ABCA13: variants seen among roughly 807,000 people sequenced by gnomAD.
ABCA13 encodes ATP binding cassette subfamily A member 13, also known as ATP-binding cassette sub-family A member 13.
A neutral mutation model predicts 478.7 loss-of-function variants in ABCA13; 476 were observed. The observed-to-expected ratio is 0.99, with a 90% CI of 0.92 to 1.07. The LOEUF (loss-of-function observed/expected upper bound fraction) is 1.07, where lower values mean the gene tolerates loss of function less well. Ranked by LOEUF, ABCA13 falls within the 50% of genes least tolerant of loss-of-function variation. ABCA13 has a pLI of 0.00. For synonymous variants in ABCA13, 2,252 were observed against 2,158.9 expected (o/e 1.04, Z -1.20); for missense variants, 6,060 against 5,910.6 (o/e 1.03, Z -0.83).
chr7:48,496,521 G>A lies in ABCA13; in HGVS notation c.13291+7177G>A, dbSNP rs117155484. Among the ~76,000 whole-genome samples, 315 of 152,042 alleles carry A rather than the reference G, an allele frequency of 2.1e-3. 10 individuals are homozygous for A. In the East Asian group the frequency reaches 0.053, roughly 26 times the overall value. On this transcript the variant is annotated intron_variant, in intron 48 of 61. Coordinates refer to ENST00000435803, the MANE Select transcript of ABCA13 (RefSeq NM_152701.5). Reference sequence around the variant, plus strand: ...TATTATATTTACTTCTATTTTTAACGTATCTTGATGTTCATCTTTCCTTTT... The same window carrying A: ...TATTATATTTACTTCTATTTTTAACATATCTTGATGTTCATCTTTCCTTTT...
intron 55 of ABCA13, among the ~76,000 whole-genome samples, chr7:48,536,647 CAA>C (rs67382689): frequency 3.8e-5 from 5 of 131,430 alleles, no homozygotes; most frequent in African/African-American, 5.4e-5. Flanking sequence ...GACTCCATCT[CAA>C]AAAAAAAAAA....
Position 48,370,574 on chromosome 7 carries a change from A to G in ABCA13, c.10804-1594A>G, listed in dbSNP as rs145566267. Among the ~76,000 whole-genome samples, 643 of 152,214 alleles carry G rather than the reference A, an allele frequency of 4.2e-3. 5 individuals are homozygous for G. Among genetic ancestry groups the G allele is most frequent in the African/African-American group, 0.014 (596 of 41,546 alleles). ...CATAGTGAAATAAAATTGGAAATCA[A>G]CTACAAAAAGAACACTCAAAACCAT... On this transcript the variant is annotated intron_variant, in intron 32 of 61. Coordinates refer to ENST00000435803, the MANE Select transcript of ABCA13 (RefSeq NM_152701.5).
intron 58 of ABCA13, among the ~76,000 whole-genome samples, chr7:48,608,496 A>G (rs903584309): frequency 1.3e-5 from 2 of 152,216 alleles, no homozygotes; most frequent in Admixed American, 6.5e-5. Flanking sequence ...TATGCATGCT[A>G]CATCCACGTA....
At chr7:48,556,481 C>G (rs1296180469) in intron 55 of ABCA13, among the ~76,000 whole-genome samples, 2 of 151,936 alleles carry the variant, frequency 1.3e-5, no homozygotes, top group African/African-American at 4.8e-5. Flanking sequence ...TATCTGAGTG[C>G]TCCTGTGTTG....
intron 2 of ABCA13, among the ~76,000 whole-genome samples, chr7:48,196,219 C>G (rs1014145990): frequency 6.6e-6 from 1 of 152,146 alleles, no homozygotes. Context: ...TCCTTATCCT[C>G]GAAGTTTCCA....
chr7:48,364,830 TC>T (rs2129011817), intron 31 of ABCA13, among the ~76,000 whole-genome samples: 1 of 152,330 alleles, frequency 6.6e-6, no homozygotes, highest in South Asian at 2.1e-4. Context: ...TTAGGTTGAT[TC>T]CATATCTTAG....
chr7:48,472,080 A>C (rs1308011694), intron 45 of ABCA13, among the ~76,000 whole-genome samples: 1 of 152,198 alleles, frequency 6.6e-6, no homozygotes, highest in African/African-American at 2.4e-5. Context: ...ATCACTGTCT[A>C]ATCTGTGAAG....
In ABCA13 at chr7:48,297,286, T is replaced by C. The variant is rs778704147; in HGVS notation, c.9174T>C (p.Phe3058=). 1.9e-6 allele frequency: 3 copies of C among 1,609,270 alleles called. No homozygotes were observed. The highest frequency in any genetic ancestry group is 1.7e-6 in the Non-Finnish European group (2 of 1,177,798). The change falls in exon 22 of 62, where the codon TTT becomes TTC. Residue 3058 remains phenylalanine (F), a synonymous_variant. Transcript: ENST00000435803. ...TWSSGNPIMT[F]LSNFTVTEDV... Reference sequence around the variant, plus strand: ...CATCAGGGAATCCCATCATGACTTTTCTCAGCAATTTCACAGTAACTGAGG... The same window carrying C: ...CATCAGGGAATCCCATCATGACTTTCCTCAGCAATTTCACAGTAACTGAGG...
At chr7:48,193,175 T>C (rs977722994) in intron 2 of ABCA13, 123 bp downstream of exon 2, 5 of 723,006 alleles carry the variant, frequency 6.9e-6, no homozygotes, top group Non-Finnish European at 1.1e-5. Flanking sequence ...GGTTTCATTA[T>C]GACAATAACA....
intron 58 of ABCA13, among the ~76,000 whole-genome samples, chr7:48,602,078 T>C (rs1413567490): frequency 6.6e-6 from 1 of 152,220 alleles, no homozygotes; most frequent in Admixed American, 6.5e-5. Context: ...TTGTTTCTTT[T>C]TTTCTTGTAA....
At chr7:48,432,890 A>G (rs922895795) in intron 42 of ABCA13, among the ~76,000 whole-genome samples, 3 of 152,026 alleles carry the variant, frequency 2.0e-5, no homozygotes, top group African/African-American at 7.2e-5. Flanking sequence ...AGTTCAAGAG[A>G]TCTATTGTAC....
intron 4 of ABCA13, among the ~76,000 whole-genome samples, 193 bp from the exon 5 acceptor site, chr7:48,221,088 T>C (rs1011784235): frequency 6.6e-6 from 1 of 152,210 alleles, no homozygotes; most frequent in Admixed American, 6.5e-5. Flanking sequence ...ATACTTAGAT[T>C]TGGAAATCTA....
intron 10 of ABCA13, among the ~76,000 whole-genome samples, 188 bp from the exon 11 acceptor site, chr7:48,244,388 A>G (rs1454115224): frequency 1.3e-5 from 2 of 152,226 alleles, no homozygotes; most frequent in African/African-American, 4.8e-5. Context: ...GTATTGAAAG[A>G]ATCTCCCAAT....
chr7:48,508,045 A>T lies in ABCA13; in HGVS notation c.13520A>T (p.Asp4507Val). The change falls in exon 50 of 62, where the codon GAC becomes GTC. Residue 4507 changes from aspartate to valine, a missense_variant. By Grantham distance (152) the Asp-to-Val change is radical (BLOSUM62 -3). Transcript: ENST00000435803. ...RMYWFTNFLYDMLFYLVSVCL... is the reference protein window; with the variant it reads ...RMYWFTNFLYVMLFYLVSVCL... ...TACTGGTTCACAAACTTCCTATATG[A>T]CATGGTAGGATTTGGGAATGAGATT... 1.2e-6 allele frequency: 2 copies of T among 1,613,818 alleles called. No homozygotes were observed. Among genetic ancestry groups the T allele is most frequent in the Non-Finnish European group, 1.7e-6 (2 of 1,179,802 alleles).
chr7:48,592,586 G>A (rs185723597), intron 57 of ABCA13, among the ~76,000 whole-genome samples: 2 of 151,894 alleles, frequency 1.3e-5, no homozygotes, highest in African/African-American at 4.8e-5. Flanking sequence ...ATGGCTGTTA[G>A]GTCCATTTGG....
intron 55 of ABCA13, among the ~76,000 whole-genome samples, chr7:48,578,040 AACTC>A (rs1788358918): frequency 1.3e-5 from 2 of 152,126 alleles, no homozygotes; most frequent in South Asian, 4.1e-4. Flanking sequence ...TCATGATACT[AACTC>A]TCAGCAAACT....
At chr7:48,253,608 C>T (rs1792917141) in intron 15 of ABCA13, among the ~76,000 whole-genome samples, 1 of 152,140 alleles carries the variant, frequency 6.6e-6, no homozygotes, top group African/African-American at 2.4e-5. Context: ...GACTTTGCCT[C>T]CCAAGTAGCT....
intron 45 of ABCA13, among the ~76,000 whole-genome samples, chr7:48,480,142 T>C (rs1334214287): frequency 1.3e-5 from 2 of 152,192 alleles, no homozygotes; most frequent in African/African-American, 2.4e-5. Context: ...AAAATGAGAC[T>C]CCAGACGTCT....
chr7:48,386,010 T>C (rs1217960756), intron 35 of ABCA13, among the ~76,000 whole-genome samples: 3 of 152,186 alleles, frequency 2.0e-5, no homozygotes, highest in African/African-American at 7.2e-5. Flanking sequence ...GGAGTGTTTG[T>C]TTTTTGCTTA....
Sources: gnomAD v4.1 joint callset for allele counts (sites outside exome capture counted in the v4.1 genomes callset) on GRCh38, gnomAD v4.1.1 for gene constraint, MANE v1.5 for transcripts, NCBI Gene and HGNC (gene_info 2026-07-23, HGNC 2026-07-21) for gene names.